The following SHC4 variants were observed in gnomAD, a reference collection of about 807,000 sequenced individuals.
The protein encoded by SHC4 is SHC-transforming protein 4.
Under a neutral mutation model 69.4 loss-of-function variants are expected in SHC4, and 41 were observed. The observed-to-expected ratio is 0.59, with a 90% CI of 0.46 to 0.77. The LOEUF is 0.77. Among genes scored for constraint, SHC4 ranks in the 30% least tolerant of loss-of-function variants. The probability of loss-of-function intolerance (pLI) is 0.00; values close to 1 mark genes in which losing one functional copy is unlikely to be tolerated. For synonymous variants in SHC4, 318 were observed against 299.3 expected (o/e 1.06, Z -0.64); for missense variants, 777 against 783.8 (o/e 0.99, Z 0.10).
intron 7 of SHC4, 139 bp from the exon 8 acceptor site, chr15:48,856,263 G>A: frequency 1.3e-6 from 1 of 780,312 alleles, no homozygotes; most frequent in Middle Eastern, 3.1e-4. Flanking sequence ...CTTAAGTGAT[G>A]TTAAACATTT....
In SHC4 at chr15:48,884,364, G is replaced by T. The variant is rs754304696; in HGVS notation, c.724C>A (p.Pro242Thr). The T allele has an allele frequency of 1.9e-6, 3 of 1,579,808 alleles. No homozygotes were observed. In the Admixed American group the frequency reaches 5.9e-5, roughly 31 times the overall value. Residue 242 changes from proline (P) to threonine (T), a missense_variant, in exon 4 of 12, where the codon CCA becomes ACA. Pro to Thr is a conservative substitution (Grantham distance 38, BLOSUM62 -1). Transcript: ENST00000332408. ...AGGACTGTTGATAGGAACTTAACTG[G>T]AGGCTTTAAAAATTAAAGAAGAAAA... ...ANGAIKKRKP[P>T]VKFLSTVLGK...
At chr15:48,844,370 G>C (rs1899049145) in intron 9 of SHC4, among the ~76,000 whole-genome samples, 1 of 152,032 alleles carries the variant, frequency 6.6e-6, no homozygotes, top group Admixed American at 6.6e-5. Context: ...CAAGCTGTAG[G>C]CCTTGCTCTG....
At chr15:48,850,282 G>A (rs891692792) in intron 9 of SHC4, among the ~76,000 whole-genome samples, 10 of 151,922 alleles carry the variant, frequency 6.6e-5, no homozygotes, top group Admixed American at 1.3e-4. Context: ...TCACTACTCC[G>A]TTTACAAGAT....
At chr15:48,894,117 C>T (rs560750923) in intron 2 of SHC4, among the ~76,000 whole-genome samples, 6 of 152,050 alleles carry the variant, frequency 3.9e-5, no homozygotes, top group South Asian at 2.1e-4. Flanking sequence ...TATTGCCACT[C>T]GGACTATAGA....
chr15:48,960,087 G>A (rs74618599), intron 1 of SHC4, among the ~76,000 whole-genome samples: 4,278 of 152,282 alleles, frequency 0.028, 97 homozygotes, highest in Admixed American at 0.046. Flanking sequence ...CACGGATATC[G>A]GCAATCTTGT....
chr15:48,847,001 A>C (rs1899106138), intron 9 of SHC4, among the ~76,000 whole-genome samples: 1 of 151,680 alleles, frequency 6.6e-6, no homozygotes, highest in Non-Finnish European at 1.5e-5. Flanking sequence ...AAAAAAAAGA[A>C]AGAAAGGAAA....
intron 1 of SHC4, among the ~76,000 whole-genome samples, chr15:48,934,106 C>A (rs1901023363): frequency 6.6e-6 from 1 of 152,058 alleles, no homozygotes; most frequent in Admixed American, 6.6e-5. Flanking sequence ...AAATTAAATT[C>A]TTTTGTGCTT....
intron 2 of SHC4, among the ~76,000 whole-genome samples, chr15:48,906,046 C>T (rs1461832842): frequency 6.6e-6 from 1 of 152,102 alleles, no homozygotes; most frequent in Non-Finnish European, 1.5e-5. Context: ...TAGAAACTGC[C>T]AACAGCTTGT....
At chr15:48,897,064 G>A (rs1900236090) in intron 2 of SHC4, among the ~76,000 whole-genome samples, 1 of 152,218 alleles carries the variant, frequency 6.6e-6, no homozygotes, top group African/African-American at 2.4e-5. Flanking sequence ...CGCTCCTGCA[G>A]AACCTTTTTG....
intron 2 of SHC4, 122 bp downstream of exon 2, chr15:48,924,757 A>G: frequency 7.1e-6 from 7 of 985,058 alleles, no homozygotes; most frequent in South Asian, 7.0e-5. Context: ...AGCCTTCTAC[A>G]CTCCAGTCGC....
At chr15:48,935,606 C>T (rs1342927619) in intron 1 of SHC4, among the ~76,000 whole-genome samples, 2 of 152,166 alleles carry the variant, frequency 1.3e-5, no homozygotes, top group East Asian at 3.8e-4. Flanking sequence ...CCAAAGCCCT[C>T]CTTGTGCCAG....
chr15:48,931,736 C>G (rs558524672), intron 1 of SHC4, among the ~76,000 whole-genome samples: 1 of 152,162 alleles, frequency 6.6e-6, no homozygotes, highest in Non-Finnish European at 1.5e-5. Flanking sequence ...AGGCAGAAAG[C>G]GAGAGATTAG....
intron 11 of SHC4, among the ~76,000 whole-genome samples, chr15:48,834,384 T>G (rs2140966934): frequency 6.6e-6 from 1 of 152,354 alleles, no homozygotes; most frequent in African/African-American, 2.4e-5. Flanking sequence ...TGAACCATTC[T>G]TATCTCATTC....
chr15:48,931,069 G>GAACTC (rs1900956179), intron 1 of SHC4, among the ~76,000 whole-genome samples: 1 of 152,110 alleles, frequency 6.6e-6, no homozygotes, highest in Non-Finnish European at 1.5e-5. Context: ...ATTTTCCTCT[G>GAACTC]AACTCTCTTC....
intron 1 of SHC4, among the ~76,000 whole-genome samples, chr15:48,951,652 C>T (rs578228065): frequency 1.2e-4 from 18 of 152,282 alleles, no homozygotes; most frequent in African/African-American, 4.3e-4. Flanking sequence ...ACTTTCCCAC[C>T]TCCATGCCTT....
At chr15:48,955,722 T>C (rs1450735209) in intron 1 of SHC4, among the ~76,000 whole-genome samples, 2 of 152,242 alleles carry the variant, frequency 1.3e-5, no homozygotes. Context: ...AAAGAAGTTT[T>C]TGTAATTATC....
At chr15:48,842,515 T>C (rs1324652692) in intron 10 of SHC4, among the ~76,000 whole-genome samples, 1 of 152,178 alleles carries the variant, frequency 6.6e-6, no homozygotes. Context: ...AAAGCTCTAA[T>C]CGATATTAAC....
chr15:48,853,849 C>T (rs149326856), intron 8 of SHC4, among the ~76,000 whole-genome samples: 8 of 152,076 alleles, frequency 5.3e-5, no homozygotes, highest in East Asian at 1.9e-4. Flanking sequence ...AATATATAAA[C>T]GTTAAGACCT....
rs548415936 is a variant in SHC4 at position 48,934,028 on chromosome 15, G to A, written c.586-9079C>T. 1.3e-3 allele frequency among the ~76,000 whole-genome samples: 197 copies of A among 152,120 alleles called. 2 individuals are homozygous for A. The highest frequency in any genetic ancestry group is 6.8e-3 in the Middle Eastern group (2 of 294). On this transcript the variant is annotated intron_variant, in intron 1 of 11. Coordinates refer to ENST00000332408, the MANE Select transcript of SHC4 (RefSeq NM_203349.4). ...TCACAGGACCTCAGAATAGGCAATG[G>A]TTTCTTAGATATGACACCGAAAGCA...
Sources: gnomAD v4.1 joint callset for allele counts (sites outside exome capture counted in the v4.1 genomes callset) on GRCh38, gnomAD v4.1.1 for gene constraint, MANE v1.5 for transcripts, NCBI Gene and HGNC (gene_info 2026-07-23, HGNC 2026-07-21) for gene names.